The following DNAJC1 variants were observed in gnomAD, a reference collection of about 807,000 sequenced individuals.
DNAJC1 encodes the protein DnaJ heat shock protein family (Hsp40) member C1, also known as dnaJ homolog subfamily C member 1.
Under a neutral mutation model 76.6 loss-of-function variants are expected in DNAJC1, and 58 were observed. That is an observed-to-expected ratio of 0.76 (90% CI 0.61 to 0.94). The LOEUF is 0.94. Among genes scored for constraint, DNAJC1 ranks in the 40% least tolerant of loss-of-function variants. The pLI, the probability that DNAJC1 is intolerant of heterozygous loss-of-function variation, is 0.00. For missense variants in DNAJC1, 689 were observed against 677.3 expected (o/e 1.02, Z -0.19); for synonymous variants, 258 against 267.9 (o/e 0.96, Z 0.36).
intron 9 of DNAJC1, among the ~76,000 whole-genome samples, chr10:21,795,871 T>C (rs1834745553): frequency 6.6e-6 from 1 of 152,176 alleles, no homozygotes; most frequent in South Asian, 2.1e-4. Context: ...CTCATAAAAA[T>C]GGAATCATGT....
chr10:21,761,970 C>T (rs769541936), intron 10 of DNAJC1, among the ~76,000 whole-genome samples: 7 of 152,070 alleles, frequency 4.6e-5, no homozygotes, highest in African/African-American at 7.2e-5. Context: ...TGAAGGGGCG[C>T]GATTTTGCCT....
intron 1 of DNAJC1, among the ~76,000 whole-genome samples, chr10:21,980,884 T>C (rs530111897): frequency 6.6e-6 from 1 of 152,126 alleles, no homozygotes; most frequent in Non-Finnish European, 1.5e-5. Flanking sequence ...TGTGTTCTTC[T>C]TTTTGGGCAA....
intron 8 of DNAJC1, among the ~76,000 whole-genome samples, chr10:21,852,378 G>A (rs1458994582): frequency 2.0e-5 from 3 of 152,154 alleles, no homozygotes; most frequent in Non-Finnish European, 4.4e-5. Flanking sequence ...GTGATATCAT[G>A]TTTTGGAGCT....
chr10:21,957,669 CA>C (rs1456697921), intron 1 of DNAJC1, among the ~76,000 whole-genome samples: 1 of 152,064 alleles, frequency 6.6e-6, no homozygotes, highest in African/African-American at 2.4e-5. Context: ...TTTTCCTTTT[CA>C]GTTATTTAGT....
intron 8 of DNAJC1, among the ~76,000 whole-genome samples, chr10:21,839,733 C>T (rs1243149192): frequency 6.6e-6 from 1 of 152,092 alleles, no homozygotes; most frequent in Non-Finnish European, 1.5e-5. Context: ...AAGAGGGAAT[C>T]CTCCCTAACT....
intron 1 of DNAJC1, among the ~76,000 whole-genome samples, chr10:21,932,454 A>G (rs1369434679): frequency 1.3e-5 from 2 of 152,270 alleles, no homozygotes; most frequent in African/African-American, 2.4e-5. Context: ...TCGTCCCTCC[A>G]GAGAAACAGT....
chr10:21,869,120 A>G (rs906613466), intron 8 of DNAJC1, among the ~76,000 whole-genome samples: 1 of 150,608 alleles, frequency 6.6e-6, no homozygotes, highest in Admixed American at 6.7e-5. Context: ...TTTTCCAGAT[A>G]TCTCTTCTGG....
In DNAJC1 at chr10:21,990,168, A is replaced by G. The variant is rs550878597; in HGVS notation, c.222+13045T>C. The stretch of plus-strand genomic sequence containing the variant: ...CCTCTATTATCAAAGATGGCATACA[A>G]GAAATCATCTTATTTTTCAATCTTC... On this transcript the variant is annotated intron_variant, in intron 1 of 11. Transcript: ENST00000376980. Among the ~76,000 whole-genome samples, 8 of 152,330 alleles carry G rather than the reference A, an allele frequency of 5.3e-5. No homozygotes were observed. The South Asian group carries it at 1.4e-3, about 28-fold the overall frequency.
intron 1 of DNAJC1, among the ~76,000 whole-genome samples, chr10:21,991,051 C>T (rs1838319636): frequency 6.6e-6 from 1 of 151,998 alleles, no homozygotes; most frequent in African/African-American, 2.4e-5. Context: ...CAGATTGGCA[C>T]ACAAATAGAA....
chr10:21,870,850 G>T (rs968250774), intron 8 of DNAJC1, among the ~76,000 whole-genome samples: 3 of 152,028 alleles, frequency 2.0e-5, no homozygotes, highest in South Asian at 4.2e-4. Context: ...TATGATTTTT[G>T]ATCAGAACAG....
intron 8 of DNAJC1, among the ~76,000 whole-genome samples, chr10:21,834,120 C>G (rs972908903): frequency 6.6e-6 from 1 of 151,970 alleles, no homozygotes; most frequent in East Asian, 1.9e-4. Context: ...AAAAATTAAC[C>G]GGGCACGGTG....
At chr10:21,845,346 A>C (rs1261423394) in intron 8 of DNAJC1, among the ~76,000 whole-genome samples, 3 of 139,694 alleles carry the variant, frequency 2.1e-5, no homozygotes, top group African/African-American at 7.4e-5. Context: ...AAACTACATA[A>C]AAATTAGAAC....
At chr10:21,843,791 G>T (rs1471418021) in intron 8 of DNAJC1, among the ~76,000 whole-genome samples, 1 of 151,256 alleles carries the variant, frequency 6.6e-6, no homozygotes, top group African/African-American at 2.4e-5. Flanking sequence ...CCAGGCTGAA[G>T]TGCAGTGGTG....
At chr10:21,927,701 TTA>T (rs1470242734) in intron 3 of DNAJC1, among the ~76,000 whole-genome samples, 2 of 152,128 alleles carry the variant, frequency 1.3e-5, no homozygotes, top group African/African-American at 2.4e-5. Context: ...ATTGTTTTAG[TTA>T]TGTGTGTGTG....
intron 8 of DNAJC1, among the ~76,000 whole-genome samples, chr10:21,851,087 G>A (rs1835744396): frequency 1.3e-5 from 2 of 152,106 alleles, no homozygotes; most frequent in African/African-American, 2.4e-5. Context: ...TAAAATTCAC[G>A]CTCTTGGATT....
intron 1 of DNAJC1, among the ~76,000 whole-genome samples, chr10:21,953,156 A>G (rs1394936220): frequency 6.6e-6 from 1 of 152,086 alleles, no homozygotes. Context: ...TTACATTAAA[A>G]TTCCTAGTTT....
intron 8 of DNAJC1, among the ~76,000 whole-genome samples, chr10:21,815,991 G>C (rs1835068753): frequency 6.6e-6 from 1 of 151,670 alleles, no homozygotes; most frequent in Non-Finnish European, 1.5e-5. Flanking sequence ...TGATCCGCCT[G>C]TATCGGCCTC....
At chr10:21,896,235 G>T (rs1368332393) in intron 7 of DNAJC1, among the ~76,000 whole-genome samples, 1 of 152,122 alleles carries the variant, frequency 6.6e-6, no homozygotes, top group Non-Finnish European at 1.5e-5. Context: ...GAGCTTGCAG[G>T]CATGAGACTC....
Position 21,966,488 on chromosome 10 carries a change from T to TA in DNAJC1, c.222+36724dup, listed in dbSNP as rs1439085421. ...CCTTTGTTAACTGGGATTCTACTGT[T>TA]AAAAAAAAAGCTGTGCCTTCTCCCC... On this transcript the variant is annotated intron_variant, in intron 1 of 11. Transcript: ENST00000376980. Among the ~76,000 whole-genome samples the TA allele has an allele frequency of 3.3e-4, 50 of 150,196 alleles. No individual in the cohort carries two copies. The East Asian group carries it at 3.5e-3, about 11-fold the overall frequency.
Sources: allele counts gnomAD v4.1 joint callset (sites outside exome capture counted in the v4.1 genomes callset), GRCh38; gene constraint gnomAD v4.1.1; transcripts MANE v1.5; gene names NCBI Gene and HGNC (gene_info 2026-07-23, HGNC 2026-07-21).